The following SLC35F4 variants were observed in gnomAD, a reference collection of about 807,000 sequenced individuals.
SLC35F4 encodes solute carrier family 35 member F4, also known as chromosome 14 open reading frame 36.
SLC35F4 carries 24 observed loss-of-function variants against 44.2 expected under a neutral mutation model. The observed-to-expected ratio is 0.54, with a 90% CI of 0.39 to 0.76. The LOEUF (loss-of-function observed/expected upper bound fraction) is 0.76. Among genes scored for constraint, SLC35F4 ranks in the 30% least tolerant of loss-of-function variants. The pLI is 0.00. For missense variants in SLC35F4, 562 were observed against 586.1 expected (o/e 0.96, Z 0.42); for synonymous variants, 238 against 223.6 (o/e 1.06, Z -0.57).
At chr14:57,946,445 C>CTTTGT (rs200495480) in intron 1 of SLC35F4, among the ~76,000 whole-genome samples, 7 of 118,504 alleles carry the variant, frequency 5.9e-5, no homozygotes, top group Non-Finnish European at 7.4e-5. Context: ...AAGTATTTGT[C>CTTTGT]TTTGTTTTGT....
At position 57,745,788 on chromosome 14, in the gene SLC35F4, T is replaced by G. The variant is rs1292696052; in HGVS notation, c.103+119935A>C. 1.3e-5 allele frequency among the ~76,000 whole-genome samples: 2 copies of G among 152,224 alleles called. 1 individual carries two copies. Among genetic ancestry groups the G allele is most frequent in the Middle Eastern group, 6.3e-3 (2 of 316 alleles). On this transcript the variant is annotated intron_variant, in intron 1 of 7. Coordinates refer to ENST00000556826, the MANE Select transcript of SLC35F4 (RefSeq NM_001306087.2). Reference sequence around the variant, plus strand: ...TACTATAAAGACACACGCACCCATATGTTTATTGCGGCACTATTCACAATA... The same window carrying G: ...TACTATAAAGACACACGCACCCATAGGTTTATTGCGGCACTATTCACAATA...
intron 1 of SLC35F4, among the ~76,000 whole-genome samples, chr14:57,960,097 G>A (rs1306906996): frequency 2.6e-5 from 4 of 152,186 alleles, no homozygotes; most frequent in African/African-American, 9.7e-5. Flanking sequence ...TCAGCAAAAT[G>A]GGAGTAATGA....
chr14:57,694,508 A>G (rs1184286756), intron 1 of SLC35F4, among the ~76,000 whole-genome samples: 2 of 152,174 alleles, frequency 1.3e-5, no homozygotes, highest in Non-Finnish European at 2.9e-5. Flanking sequence ...TTGTATGACT[A>G]TATCACAGTT....
At chr14:57,957,354 A>G (rs7143052) in intron 1 of SLC35F4, among the ~76,000 whole-genome samples, 80,117 of 151,500 alleles carry the variant, frequency 0.53, 22,020 homozygotes, top group East Asian at 0.79. Flanking sequence ...AGGTTGATGC[A>G]TGCAGCAAGC....
At chr14:57,808,070 C>A (rs1209565021) in intron 1 of SLC35F4, among the ~76,000 whole-genome samples, 1 of 151,844 alleles carries the variant, frequency 6.6e-6, no homozygotes, top group Non-Finnish European at 1.5e-5. Context: ...CCCACCAGGT[C>A]CCTCCCATGA....
At chr14:57,645,193 T>A (rs1004648458) in intron 1 of SLC35F4, among the ~76,000 whole-genome samples, 12 of 152,208 alleles carry the variant, frequency 7.9e-5, no homozygotes, top group African/African-American at 2.7e-4. Context: ...TGGCATTGAA[T>A]CTATAAATTA....
At chr14:57,747,027 G>T (rs2076772936) in intron 1 of SLC35F4, among the ~76,000 whole-genome samples, 1 of 152,126 alleles carries the variant, frequency 6.6e-6, no homozygotes, top group African/African-American at 2.4e-5. Flanking sequence ...TTTTCTACAT[G>T]AACTGAGATT....
chr14:57,577,338 A>G (rs1407808336), intron 4 of SLC35F4, among the ~76,000 whole-genome samples: 1 of 152,160 alleles, frequency 6.6e-6, no homozygotes, highest in Non-Finnish European at 1.5e-5. Flanking sequence ...TAGTTTGGGA[A>G]GCTAACTAAC....
chr14:57,931,423 A>G (rs1008506920), intron 1 of SLC35F4, among the ~76,000 whole-genome samples: 4 of 152,328 alleles, frequency 2.6e-5, no homozygotes, highest in African/African-American at 9.6e-5. Flanking sequence ...CATCTGACAA[A>G]GACCAATCTA....
chr14:57,839,972 A>T (rs1439005875), intron 1 of SLC35F4, among the ~76,000 whole-genome samples: 1 of 152,190 alleles, frequency 6.6e-6, no homozygotes, highest in African/African-American at 2.4e-5. Context: ...CTAGTCTTCT[A>T]CAAGCAATCC....
intron 1 of SLC35F4, among the ~76,000 whole-genome samples, chr14:57,676,261 C>T (rs1194377088): frequency 6.6e-6 from 1 of 152,034 alleles, no homozygotes; most frequent in Non-Finnish European, 1.5e-5. Flanking sequence ...TAAAAAGGAA[C>T]TAGATCATGT....
intron 1 of SLC35F4, among the ~76,000 whole-genome samples, chr14:57,607,452 A>G (rs2071228248): frequency 1.3e-5 from 2 of 152,186 alleles, no homozygotes; most frequent in African/African-American, 2.4e-5. Flanking sequence ...TGTTTTCACA[A>G]TTGTTATGGG....
At chr14:57,875,506 A>T (rs762733516) in intron 1 of SLC35F4, among the ~76,000 whole-genome samples, 1 of 152,158 alleles carries the variant, frequency 6.6e-6, no homozygotes, top group Non-Finnish European at 1.5e-5. Flanking sequence ...TTGATCCTGG[A>T]TGGGCTTGCT....
chr14:57,605,387 A>G (rs768772266), intron 1 of SLC35F4, among the ~76,000 whole-genome samples: 9 of 152,198 alleles, frequency 5.9e-5, no homozygotes, highest in Admixed American at 2.6e-4. Flanking sequence ...AACAAATGCA[A>G]ATCAAAACCA....
At chr14:57,679,405 G>A (rs2074812782) in intron 1 of SLC35F4, among the ~76,000 whole-genome samples, 1 of 152,044 alleles carries the variant, frequency 6.6e-6, no homozygotes, top group African/African-American at 2.4e-5. Flanking sequence ...AGCACTAAAT[G>A]CCCACAGGAG....
At chr14:57,836,103 T>C (rs1018420133) in intron 1 of SLC35F4, among the ~76,000 whole-genome samples, 11 of 152,210 alleles carry the variant, frequency 7.2e-5, no homozygotes, top group Admixed American at 1.3e-4. Context: ...GGAAGGACCT[T>C]TGATTTCTCA....
At chr14:57,636,996 C>G (rs2073040728) in intron 1 of SLC35F4, among the ~76,000 whole-genome samples, 1 of 152,038 alleles carries the variant, frequency 6.6e-6, no homozygotes, top group Non-Finnish European at 1.5e-5. Context: ...ACAGCAGAAC[C>G]AGTTACAAGG....
intron 1 of SLC35F4, among the ~76,000 whole-genome samples, chr14:57,665,767 G>A (rs1265176925): frequency 1.3e-5 from 2 of 152,102 alleles, no homozygotes; most frequent in Non-Finnish European, 2.9e-5. Flanking sequence ...AGAACATGTG[G>A]GACATATACA....
At chr14:57,922,419 G>A (rs549859713) in intron 1 of SLC35F4, among the ~76,000 whole-genome samples, 14 of 152,076 alleles carry the variant, frequency 9.2e-5, no homozygotes, top group Non-Finnish European at 1.3e-4. Flanking sequence ...TTCTCAACAC[G>A]GTACCCCATA....
Sources: gnomAD v4.1 joint callset for allele counts (sites outside exome capture counted in the v4.1 genomes callset) on GRCh38, gnomAD v4.1.1 for gene constraint, MANE v1.5 for transcripts, NCBI Gene and HGNC (gene_info 2026-07-23, HGNC 2026-07-21) for gene names.